The following EPC2 variants were observed in gnomAD, a reference collection of about 807,000 sequenced individuals.
EPC2 encodes enhancer of polycomb homolog 2.
In EPC2, 14 loss-of-function variants were observed where a neutral mutation model predicts 92.1. The observed-to-expected ratio is 0.15, with a 90% CI of 0.10 to 0.24. EPC2 has a LOEUF of 0.24. Ranked by LOEUF, EPC2 falls within the 10% of genes least tolerant of loss-of-function variation. The probability of loss-of-function intolerance (pLI) is 1.00; values close to 1 mark genes in which losing one functional copy is unlikely to be tolerated. For missense variants in EPC2, 755 were observed against 971.5 expected, an observed-to-expected ratio of 0.78 and a Z score of 2.96; for synonymous variants, 340 against 334.7, an observed-to-expected ratio of 1.02 and a Z score of -0.17.
At chr2:148,657,108 A>G (rs1680818100) in intron 1 of EPC2, among the ~76,000 whole-genome samples, 1 of 152,056 alleles carries the variant, frequency 6.6e-6, no homozygotes, top group Non-Finnish European at 1.5e-5. Flanking sequence ...GTCACCTTTT[A>G]GGACGGGCAA....
chr2:148,664,549 C>T (rs574365255), intron 1 of EPC2, among the ~76,000 whole-genome samples: 15 of 152,274 alleles, frequency 9.9e-5, no homozygotes, highest in South Asian at 8.3e-4. Context: ...ACAGACTGCA[C>T]GTATTTCAAG....
At position 148,774,624 on chromosome 2, in the gene EPC2, T is replaced by TATTATATATA. The variant is rs935978031; in HGVS notation, c.1720+3237_1720+3238insATTATATATA. 1.1e-4 allele frequency among the ~76,000 whole-genome samples: 14 copies of TATTATATATA among 132,612 alleles called. No individual in the cohort carries two copies. The East Asian group carries it at 2.1e-3, about 20-fold the overall frequency. The allele number at this position is 132,612 out of a possible 152,430, so 87.0% of individuals were successfully genotyped here. On this transcript the variant is annotated intron_variant, in intron 10 of 13. Coordinates refer to ENST00000258484, the MANE Select transcript of EPC2 (RefSeq NM_015630.4). The stretch of plus-strand genomic sequence containing the variant: ...CCTGACTCAAAAAAAAAAATATATT[T>TATTATATATA]TATATATATATATATATGCATGTAC...
chr2:148,769,279 G>T, intron 8 of EPC2, 39 bp downstream of exon 8: 1 of 1,378,120 alleles, frequency 7.3e-7, no homozygotes, highest in Non-Finnish European at 1.0e-6. Context: ...TTTGTGAACT[G>T]GAATTAACAG....
At chr2:148,731,759 T>A (rs1380799683) in intron 2 of EPC2, among the ~76,000 whole-genome samples, 1 of 152,228 alleles carries the variant, frequency 6.6e-6, no homozygotes, top group African/African-American at 2.4e-5. Flanking sequence ...ATTGCTTCTC[T>A]TTACATTAAA....
chr2:148,758,165 T>C (rs1425270525), intron 4 of EPC2, among the ~76,000 whole-genome samples: 1 of 1,470 alleles, frequency 6.8e-4, no homozygotes, highest in Admixed American at 0.011. Context: ...CTGATGTGGG[T>C]GGGTGGGTGG....
intron 2 of EPC2, chr2:148,691,819 G>A (rs1227190128): frequency 1.5e-6 from 1 of 677,484 alleles, no homozygotes; most frequent in Admixed American, 2.1e-5. Flanking sequence ...TTCCCTTTCT[G>A]CATGGCTAAT....
chr2:148,774,613 A>ATATATAT, intron 10 of EPC2, among the ~76,000 whole-genome samples: 1 of 113,684 alleles, frequency 8.8e-6, no homozygotes, highest in African/African-American at 2.9e-5. Context: ...ACTCAAAAAA[A>ATATATAT]AAAATATATT....
intron 3 of EPC2, among the ~76,000 whole-genome samples, chr2:148,750,043 T>A (rs1396287936): frequency 2.0e-5 from 3 of 152,136 alleles, no homozygotes; most frequent in African/African-American, 4.8e-5. Flanking sequence ...AACGGCAGAT[T>A]AATAGAATTC....
At chr2:148,683,418 C>T (rs1455024594) in intron 1 of EPC2, among the ~76,000 whole-genome samples, 1 of 152,030 alleles carries the variant, frequency 6.6e-6, no homozygotes, top group Non-Finnish European at 1.5e-5. Flanking sequence ...CAGTCATGCA[C>T]CACCACTGCC....
rs1683503953 is a variant in EPC2, at chr2:148,770,909, G to A, written c.1348G>A (p.Ala450Thr). 8 of 1,612,918 alleles carry A rather than the reference G, an allele frequency of 5.0e-6. No homozygotes were observed. The highest frequency in any genetic ancestry group is 6.8e-6 in the Non-Finnish European group (8 of 1,179,654). Residue 450 changes from alanine to threonine, a missense_variant, in exon 9 of 14, where the codon GCA (alanine) becomes ACA (threonine). Around this residue, in one of 4 missense-constraint regions of EPC2, gnomAD observed 509 missense variants for 607.7 expected, o/e 0.84. Coordinates refer to ENST00000258484, the MANE Select transcript of EPC2 (RefSeq NM_015630.4). ...AGTCCCAAGAAGATGTATAGGATTT[G>A]CAAGGAGGCGAATTGGCAGAGGTGG... ...LTVPRRCIGF[A>T]RRRIGRGGRV... is the part of the protein sequence containing the mutation.
chr2:148,737,440 A>G (rs960311490), intron 2 of EPC2, among the ~76,000 whole-genome samples: 1 of 152,018 alleles, frequency 6.6e-6, no homozygotes, highest in East Asian at 1.9e-4. Context: ...GTATTTTTGT[A>G]TTTATGGCTG....
intron 2 of EPC2, among the ~76,000 whole-genome samples, chr2:148,727,370 A>G (rs12612012): frequency 0.73 from 110,758 of 152,072 alleles, 41,709 homozygotes; most frequent in Non-Finnish European, 0.85. Context: ...TACTGTTTCA[A>G]ATATTTCTGA....
At chr2:148,675,893 G>T (rs576522419) in intron 1 of EPC2, among the ~76,000 whole-genome samples, 13 of 152,316 alleles carry the variant, frequency 8.5e-5, no homozygotes, top group African/African-American at 3.1e-4. Context: ...CTTTGGCTAT[G>T]TGTGTAGCCT....
intron 1 of EPC2, among the ~76,000 whole-genome samples, chr2:148,683,940 T>G (rs1681462409): frequency 6.6e-6 from 1 of 152,250 alleles, no homozygotes; most frequent in African/African-American, 2.4e-5. Context: ...ATCTCCATAC[T>G]GTTTTTCCAT....
intron 1 of EPC2, among the ~76,000 whole-genome samples, chr2:148,660,340 G>C (rs35131468): frequency 6.6e-6 from 1 of 152,038 alleles, no homozygotes; most frequent in Non-Finnish European, 1.5e-5. Context: ...CATGGGCGTT[G>C]TAAGAGAATG....
intron 1 of EPC2, among the ~76,000 whole-genome samples, chr2:148,656,035 G>GGGGGC: frequency 8.0e-6 from 1 of 125,168 alleles, no homozygotes; most frequent in African/African-American, 3.0e-5. Flanking sequence ...GGGGGGGGGG[G>GGGGGC]GGGTTATTCT....
chr2:148,732,873 A>G (rs1203644230), intron 2 of EPC2, among the ~76,000 whole-genome samples: 2 of 151,806 alleles, frequency 1.3e-5, no homozygotes, highest in African/African-American at 4.8e-5. Flanking sequence ...ATGTTATAGC[A>G]GACATATTTG....
At position 148,787,150 on chromosome 2, in the gene EPC2, T is replaced by C. The variant is rs1683884323; in HGVS notation, c.*773T>C. 6.6e-6 allele frequency: 1 copy of C among 152,670 alleles called. No homozygotes were observed. Among genetic ancestry groups the C allele is most frequent in the Non-Finnish European group, 1.5e-5 (1 of 68,046 alleles). The allele number at this position is 152,670 out of a possible 1,614,324, so 9.5% of individuals were successfully genotyped here. ...TGCAAATATGAAAATTTTTCGAGGA[T>C]TACATTTTATCTGAAGGCTGCATAT... is the stretch of plus-strand genomic sequence containing the variant. On this transcript the variant is annotated 3_prime_UTR_variant, in exon 14 of 14. Coordinates refer to ENST00000258484, the MANE Select transcript of EPC2 (RefSeq NM_015630.4).
At chr2:148,767,551 G>GT (rs1239540392) in intron 7 of EPC2, among the ~76,000 whole-genome samples, 1 of 152,164 alleles carries the variant, frequency 6.6e-6, no homozygotes, top group Non-Finnish European at 1.5e-5. Flanking sequence ...GCTATTCAGA[G>GT]TGTACATCTT....
Sources: allele counts gnomAD v4.1 joint callset (sites outside exome capture counted in the v4.1 genomes callset), GRCh38; gene constraint gnomAD v4.1.1; regional missense constraint gnomAD v4.1.1; transcripts MANE v1.5; gene names NCBI Gene and HGNC (gene_info 2026-07-23, HGNC 2026-07-21).